VPS50: variants seen among roughly 807,000 people sequenced by gnomAD.
VPS50 encodes VPS50 subunit of EARP/GARPII complex, also known as syndetin.
Under a neutral mutation model 139.7 loss-of-function variants are expected in VPS50, and 70 were observed. The observed-to-expected ratio is 0.50, with a 90% CI of 0.41 to 0.61. The LOEUF (loss-of-function observed/expected upper bound fraction) is 0.61, where lower values mean the gene tolerates loss of function less well. VPS50 is among the 20% of genes least tolerant of loss of function. The pLI, the probability that VPS50 is intolerant of heterozygous loss-of-function variation, is 0.00. For missense variants in VPS50, 921 were observed against 1,133.7 expected (o/e 0.81, Z 2.69); for synonymous variants, 365 against 376.7 (o/e 0.97, Z 0.36).
chr7:93,359,427 G>C lies in VPS50; in HGVS notation c.*991G>C, dbSNP rs1029986065. 5 of 152,032 alleles carry C rather than the reference G, an allele frequency of 3.3e-5. No homozygotes were observed. Among genetic ancestry groups the C allele is most frequent in the African/African-American group, 9.7e-5 (4 of 41,402 alleles). The allele number at this position is 152,032 out of a possible 1,614,324, so 9.4% of individuals were successfully genotyped here. A position where few individuals can be genotyped will look rare whatever the true frequency, so the allele number is the denominator to read the frequency against. On this transcript the variant is annotated 3_prime_UTR_variant, in exon 28 of 28. Transcript: ENST00000305866. The stretch of plus-strand genomic sequence containing the variant: ...TCAGTCTAGCCAATGATGAACTCTG[G>C]AATCCACTTAGTCTTCAGTAAGTAT...
At chr7:93,333,445 T>C (rs1797991123) in intron 21 of VPS50, among the ~76,000 whole-genome samples, 1 of 152,206 alleles carries the variant, frequency 6.6e-6, no homozygotes, top group African/African-American at 2.4e-5. Flanking sequence ...TGTAACATTT[T>C]TCCAAATGCC....
Position 93,271,203 on chromosome 7 carries a change from T to TG in VPS50, c.660-17_660-16insG, listed in dbSNP as rs746280864. On this transcript the variant is annotated splice_polypyrimidine_tract_variant and intron_variant, in intron 9 of 27. Coordinates refer to ENST00000305866, the MANE Select transcript of VPS50 (RefSeq NM_017667.4). ...GTCTCAGAAATAGAAAAAAACTGTT[T>TG]TTTTTTTTTTTAATAGTGAACTGAA... The TG allele has an allele frequency of 1.6e-4, 247 of 1,537,084 alleles. No homozygotes were observed. Among genetic ancestry groups the TG allele is most frequent in the East Asian group, 1.4e-3 (59 of 41,770 alleles).
In VPS50 at chr7:93,341,538, T is replaced by C. The variant is rs749310538; in HGVS notation, c.2170T>C (p.Tyr724His). ...LVVLTSGDTL[Y>H]GLAERVVATE... The stretch of plus-strand genomic sequence containing the variant: ...GGTTTTGACATCTGGGGATACGCTG[T>C]ATGGGTTGGCAGAAAGAGTGGTAGC... Residue 724 changes from tyrosine to histidine, a missense_variant, in exon 23 of 28, where the codon TAT becomes CAT. By Grantham distance (83) the Tyr-to-His change is moderately conservative. Around this residue, in one of 3 missense-constraint regions of VPS50, gnomAD observed 744 missense variants for 930.6 expected, o/e 0.80. Transcript: ENST00000305866. 17 of 1,611,592 alleles carry C rather than the reference T, an allele frequency of 1.1e-5. No homozygotes were observed. In the East Asian group the frequency reaches 3.8e-4, roughly 36 times the overall value.
intron 20 of VPS50, among the ~76,000 whole-genome samples, chr7:93,316,173 A>C (rs1797422616): frequency 6.6e-6 from 1 of 152,198 alleles, no homozygotes; most frequent in South Asian, 2.1e-4. Flanking sequence ...GACATGGTGT[A>C]TTCAGAGACT....
intron 23 of VPS50, among the ~76,000 whole-genome samples, chr7:93,343,088 A>C (rs1798273077): frequency 1.3e-5 from 2 of 152,332 alleles, no homozygotes; most frequent in African/African-American, 2.4e-5. Context: ...ACTTTGAAAA[A>C]AATTTAGACG....
intron 12 of VPS50, 51 bp from the exon 13 acceptor site, chr7:93,291,652 T>G: frequency 9.8e-7 from 1 of 1,018,156 alleles, no homozygotes; most frequent in South Asian, 2.4e-5. Context: ...TTATTATAAC[T>G]GTTAGAGTAA....
chr7:93,323,720 T>C lies in VPS50; in HGVS notation c.1965T>C (p.Gly655=). ...TGTATGCAATATATACCTTTTTTGGTCGGAATGATTCAGTAAGTCCACCTT... is the reference window on the plus strand; with the variant it reads ...TGTATGCAATATATACCTTTTTTGGCCGGAATGATTCAGTAAGTCCACCTT... ...YYLYAIYTFF[G]RNDSLESTGL... is the part of the protein sequence containing the mutation. The change falls in exon 21 of 28, where the codon GGT becomes GGC. Residue 655 remains glycine, a synonymous_variant. Coordinates refer to ENST00000305866, the MANE Select transcript of VPS50 (RefSeq NM_017667.4). 1 of 1,419,008 alleles carries C rather than the reference T, an allele frequency of 7.0e-7. No homozygotes were observed. The highest frequency in any genetic ancestry group is 1.5e-5 in the South Asian group (1 of 67,082). The allele number at this position is 1,419,008 out of a possible 1,614,324, so 87.9% of individuals were successfully genotyped here. A position where few individuals can be genotyped will look rare whatever the true frequency, so the allele number is the denominator to read the frequency against.
intron 18 of VPS50, 29 bp downstream of exon 18, chr7:93,306,033 GT>G (rs756696528): frequency 1.1e-5 from 17 of 1,549,002 alleles, no homozygotes; most frequent in South Asian, 9.1e-5. Flanking sequence ...ACATAAGTGA[GT>G]TTTTTTTATT....
chr7:93,244,784 T>C (rs1795100121), intron 2 of VPS50, among the ~76,000 whole-genome samples: 1 of 151,794 alleles, frequency 6.6e-6, no homozygotes, highest in Non-Finnish European at 1.5e-5. Context: ...CTTCTGCAGG[T>C]GGTACTAAGG....
intron 2 of VPS50, among the ~76,000 whole-genome samples, chr7:93,241,324 G>C (rs1233651782): frequency 3.3e-5 from 5 of 152,066 alleles, no homozygotes; most frequent in Non-Finnish European, 5.9e-5. Context: ...GACCAGTGCT[G>C]TCTGTACTTT....
rs563511532 is a variant in VPS50 at position 93,289,403 on chromosome 7, A to G, written c.943-2300A>G. Among the ~76,000 whole-genome samples the G allele has an allele frequency of 1.2e-3, 190 of 152,168 alleles. 1 individual carries two copies. The highest frequency in any genetic ancestry group is 4.4e-3 in the African/African-American group (181 of 41,534). ...TTCCCCAAACTTTTAAGAATTCTAT[A>G]TAAATGTGGAATATCAGCTCTTTAT... On this transcript the variant is annotated intron_variant, in intron 12 of 27. Transcript: ENST00000305866.
In VPS50 at chr7:93,294,655, TA is replaced by T. The variant is rs1165627848; in HGVS notation, c.1167+20del. The T allele has an allele frequency of 1.9e-6, 3 of 1,549,008 alleles. No homozygotes were observed. The highest frequency in any genetic ancestry group is 2.3e-5 in the East Asian group (1 of 43,978). On this transcript the variant is annotated intron_variant, in intron 14 of 27. Transcript: ENST00000305866. ...ATGGCAGGTTTGGTTTTTTTAAAAT[TA>T]TTTTTTTCACAGAAGCAATAGAAAT...
intron 23 of VPS50, among the ~76,000 whole-genome samples, chr7:93,347,801 A>G (rs1209218961): frequency 8.5e-5 from 11 of 129,392 alleles, no homozygotes; most frequent in East Asian, 2.5e-4. Context: ...ACAGGAAGGG[A>G]AACATCACAC....
chr7:93,244,574 A>G (rs1380405202), intron 2 of VPS50, among the ~76,000 whole-genome samples: 1 of 151,910 alleles, frequency 6.6e-6, no homozygotes, highest in African/African-American at 2.4e-5. Flanking sequence ...TATACTTTCT[A>G]TATTGTAATT....
chr7:93,263,309 T>C (rs1050690757), intron 9 of VPS50, among the ~76,000 whole-genome samples: 1 of 152,236 alleles, frequency 6.6e-6, no homozygotes, highest in Admixed American at 6.5e-5. Context: ...AATTTATATA[T>C]TCTCAATTTT....
chr7:93,251,082 G>T (rs1228340427), intron 2 of VPS50, among the ~76,000 whole-genome samples: 3 of 152,212 alleles, frequency 2.0e-5, no homozygotes, highest in Non-Finnish European at 4.4e-5. Context: ...CTGTTGCTGG[G>T]AGTGTAAATT....
At chr7:93,327,606 CTCAG>C (rs761048112) in intron 21 of VPS50, among the ~76,000 whole-genome samples, 3 of 152,108 alleles carry the variant, frequency 2.0e-5, no homozygotes, top group Non-Finnish European at 4.4e-5. Flanking sequence ...TTCTGTAAGA[CTCAG>C]TAAGAGCTAT....
chr7:93,291,611 A>G (rs1028624329), intron 12 of VPS50, 92 bp from the exon 13 acceptor site: 4 of 696,630 alleles, frequency 5.7e-6, no homozygotes, highest in African/African-American at 5.6e-5. Flanking sequence ...GTTATTTCTA[A>G]TTTTTGAATA....
chr7:93,349,395 A>C (rs1473532121), intron 24 of VPS50, among the ~76,000 whole-genome samples: 1 of 152,184 alleles, frequency 6.6e-6, no homozygotes, highest in Non-Finnish European at 1.5e-5. Flanking sequence ...TTTGGAGGGC[A>C]TGGAAGCTCC....
Sources: gnomAD v4.1 joint callset for allele counts (sites outside exome capture counted in the v4.1 genomes callset) on GRCh38, gnomAD v4.1.1 for gene constraint, gnomAD v4.1.1 regional missense constraint, MANE v1.5 for transcripts, NCBI Gene and HGNC (gene_info 2026-07-23, HGNC 2026-07-21) for gene names.